Variants in GRHL1 observed in about 807,000 individuals in gnomAD.
The protein encoded by GRHL1 is grainyhead-like protein 1 homolog.
Under a neutral mutation model 75.7 loss-of-function variants are expected in GRHL1, and 38 were observed. The ratio of observed to expected loss-of-function variants is 0.50; its 90% CI spans 0.39 to 0.66. The LOEUF (loss-of-function observed/expected upper bound fraction) is 0.66, where lower values mean the gene tolerates loss of function less well. GRHL1 is among the 30% of genes least tolerant of loss of function. The pLI, the probability that GRHL1 is intolerant of heterozygous loss-of-function variation, is 0.00. For missense variants in GRHL1, 589 were observed against 767.5 expected (o/e 0.77, Z 2.75); for synonymous variants, 266 against 279.4 (o/e 0.95, Z 0.48).
chr2:9,984,158 A>T, intron 8 of GRHL1, among the ~76,000 whole-genome samples: 1 of 150,796 alleles, frequency 6.6e-6, no homozygotes. Context: ...GCAAAACTTC[A>T]TCTCAAAAAA....
Position 9,961,326 on chromosome 2 carries a change from G to A in GRHL1, c.559G>A (p.Asp187Asn), listed in dbSNP as rs773330664. The A allele has an allele frequency of 1.1e-5, 18 of 1,614,158 alleles. No individual in the cohort carries two copies. The highest frequency in any genetic ancestry group is 1.5e-5 in the Non-Finnish European group (18 of 1,180,020). ...PEPTERVVVF[D>N]RNLNTDQFSS... The stretch of plus-strand genomic sequence containing the variant: ...GCCCACTGAGCGGGTGGTGGTTTTC[G>A]ATCGGAATCTCAATACTGACCAGTT... Residue 187 changes from aspartate (D) to asparagine (N), a missense_variant, in exon 4 of 16, where the codon GAT becomes AAT. Coordinates refer to ENST00000324907, the MANE Select transcript of GRHL1 (RefSeq NM_198182.3).
At chr2:9,989,431 T>G (rs1475101867) in intron 9 of GRHL1, among the ~76,000 whole-genome samples, 2 of 152,224 alleles carry the variant, frequency 1.3e-5, no homozygotes, top group African/African-American at 2.4e-5. Flanking sequence ...GGGCCGTGTT[T>G]GTTACTAATA....
intron 8 of GRHL1, among the ~76,000 whole-genome samples, chr2:9,979,317 C>T (rs1040882252): frequency 4.0e-5 from 6 of 151,560 alleles, no homozygotes; most frequent in African/African-American, 1.5e-4. Context: ...TCACTGCAGC[C>T]TCTACCTCCT....
At chr2:9,956,633 C>G (rs1572331098) in intron 2 of GRHL1, among the ~76,000 whole-genome samples, 1 of 152,070 alleles carries the variant, frequency 6.6e-6, no homozygotes, top group Non-Finnish European at 1.5e-5. Flanking sequence ...TGAGCAGAAA[C>G]TTGTGTAATA....
intron 14 of GRHL1, among the ~76,000 whole-genome samples, chr2:9,998,483 T>TATATACGTATATATATAC (rs1572396122): frequency 4.2e-4 from 2 of 4,752 alleles, no homozygotes; most frequent in East Asian, 0.021. Context: ...TATATATACA[T>TATATACGTATATATATAC]ATATATACGT....
intron 5 of GRHL1, 61 bp from the exon 6 acceptor site, chr2:9,963,825 G>T (rs41264181): frequency 6.0e-5 from 67 of 1,118,820 alleles, no homozygotes; most frequent in Admixed American, 3.6e-4. Flanking sequence ...TTTATAATAT[G>T]ATGTATAGCA....
In GRHL1 at chr2:9,951,715, C is replaced by A. The variant is rs1484892017; in HGVS notation, c.-119C>A. The A allele has an allele frequency of 8.5e-6, 8 of 938,272 alleles. No individual in the cohort carries two copies. The highest frequency in any genetic ancestry group is 5.5e-5 in the Admixed American group (2 of 36,524). The allele number at this position is 938,272 out of a possible 1,614,324, so 58.1% of individuals were successfully genotyped here. On this transcript the variant is annotated 5_prime_UTR_variant, in exon 1 of 16. Coordinates refer to ENST00000324907, the MANE Select transcript of GRHL1 (RefSeq NM_198182.3). The surrounding 1 kb of genome is among the most constrained non-coding windows in gnomAD (Gnocchi z 4.2). Reference sequence around the variant, plus strand: ...CTCAGAGCGAGAAAAGCAAACCCAACCCGTCGGGGCCGCCGCTCCGGACCC... The same window carrying A: ...CTCAGAGCGAGAAAAGCAAACCCAAACCGTCGGGGCCGCCGCTCCGGACCC...
At chr2:9,980,643 T>A (rs533118887) in intron 8 of GRHL1, among the ~76,000 whole-genome samples, 1 of 152,370 alleles carries the variant, frequency 6.6e-6, no homozygotes, top group East Asian at 1.9e-4. Context: ...GTTCTAATTA[T>A]TTGAATACAA....
rs148739837 is a variant in GRHL1 at position 9,964,365 on chromosome 2, C to T, written c.1015+19C>T. The stretch of plus-strand genomic sequence containing the variant: ...GACATAGGTAAGCAGCTCAAGAGCC[C>T]GCTTTTATTCCCAGAGGTGCAGCCA... On this transcript the variant is annotated intron_variant, in intron 7 of 15. Transcript: ENST00000324907. 83 of 1,289,406 alleles carry T rather than the reference C, an allele frequency of 6.4e-5. 1 individual carries two copies. Among genetic ancestry groups the T allele is most frequent in the Non-Finnish European group, 8.4e-5 (75 of 896,942 alleles). The allele number at this position is 1,289,406 out of a possible 1,614,324, so 79.9% of individuals were successfully genotyped here. A position where few individuals can be genotyped will look rare whatever the true frequency, so the allele number is the denominator to read the frequency against.
At chr2:9,979,991 GTTAGCAAGCT>G (rs1301396912) in intron 8 of GRHL1, among the ~76,000 whole-genome samples, 1 of 152,204 alleles carries the variant, frequency 6.6e-6, no homozygotes, top group Non-Finnish European at 1.5e-5. Flanking sequence ...AGACTAGACA[GTTAGCAAGCT>G]TTACTGGAAT....
At chr2:9,980,834 T>C (rs1453459811) in intron 8 of GRHL1, among the ~76,000 whole-genome samples, 1 of 152,248 alleles carries the variant, frequency 6.6e-6, no homozygotes, top group Non-Finnish European at 1.5e-5. Flanking sequence ...CTGTATGTTT[T>C]ATAGAGGAGG....
At position 9,987,511 on chromosome 2, in the gene GRHL1, T is replaced by C. The variant is rs2125237523; in HGVS notation, c.1269+1229T>C. 6.6e-6 allele frequency among the ~76,000 whole-genome samples: 1 copy of C among 152,256 alleles called. No individual in the cohort carries two copies. The highest frequency in any genetic ancestry group is 6.5e-5 in the Admixed American group (1 of 15,300). Reference sequence around the variant, plus strand: ...CGAGTGGCTGAATCACAAAGTGCTGTGCCTTCACAGCCCTCTTCCCCAAAG... The same window carrying C: ...CGAGTGGCTGAATCACAAAGTGCTGCGCCTTCACAGCCCTCTTCCCCAAAG... On this transcript the variant is annotated intron_variant, in intron 9 of 15. Transcript: ENST00000324907. The surrounding 1 kb of genome is among the most constrained non-coding windows in gnomAD (Gnocchi z 4.2).
At chr2:9,970,454 G>T (rs1667676867) in intron 8 of GRHL1, among the ~76,000 whole-genome samples, 5 of 145,554 alleles carry the variant, frequency 3.4e-5, no homozygotes, top group Admixed American at 3.4e-4. Context: ...GAACTTGGTT[G>T]CTTTGGAAAG....
intron 8 of GRHL1, 114 bp downstream of exon 8, chr2:9,965,495 G>A (rs955515633): frequency 3.1e-5 from 20 of 637,890 alleles, no homozygotes; most frequent in Non-Finnish European, 4.5e-5. Flanking sequence ...TCATTCTCAG[G>A]TGTTATGAAA....
At chr2:9,998,729 T>TAC (rs1553307187) in intron 14 of GRHL1, among the ~76,000 whole-genome samples, 1 of 54,488 alleles carries the variant, frequency 1.8e-5, no homozygotes, top group South Asian at 5.2e-4. Flanking sequence ...CACACATATA[T>TAC]ACGTATATAT....
In GRHL1 at chr2:9,984,896, TA is replaced by T. The variant is rs5829244; in HGVS notation, c.1111-1214del. ...GGGCAACATAGTGGAACCCTGTCTC[TA>T]AAAAAAAAAAAAATACAAAAATTAC... On this transcript the variant is annotated intron_variant, in intron 8 of 15. Transcript: ENST00000324907. Among the ~76,000 whole-genome samples the T allele has an allele frequency of 4.4e-3, 628 of 142,598 alleles. 1 individual carries two copies. Among genetic ancestry groups the T allele is most frequent in the Middle Eastern group, 7.2e-3 (2 of 278 alleles). The allele number at this position is 142,598 out of a possible 152,430, so 93.5% of individuals were successfully genotyped here. A position where few individuals can be genotyped will look rare whatever the true frequency, so the allele number is the denominator to read the frequency against.
intron 8 of GRHL1, among the ~76,000 whole-genome samples, chr2:9,966,972 T>A (rs1176160698): frequency 1.3e-5 from 2 of 152,202 alleles, no homozygotes; most frequent in Non-Finnish European, 2.9e-5. Flanking sequence ...TTGTTACAGT[T>A]GTTTTGAAAT....
intron 14 of GRHL1, among the ~76,000 whole-genome samples, chr2:9,998,730 ACG>A (rs1491444165): frequency 2.0e-5 from 1 of 49,866 alleles, no homozygotes; most frequent in Non-Finnish European, 3.2e-5. Flanking sequence ...ACACATATAT[ACG>A]TATATATGTA....
intron 9 of GRHL1, among the ~76,000 whole-genome samples, chr2:9,989,832 G>A (rs1301346099): frequency 6.6e-6 from 1 of 152,138 alleles, no homozygotes; most frequent in African/African-American, 2.4e-5. Context: ...TTACAAGCGT[G>A]AGCCACCGCG....
Sources: gnomAD v4.1 joint callset for allele counts (sites outside exome capture counted in the v4.1 genomes callset) on GRCh38, gnomAD v4.1.1 for gene constraint, Gnocchi (gnomAD v3.1) non-coding constraint, MANE v1.5 for transcripts, NCBI Gene and HGNC (gene_info 2026-07-23, HGNC 2026-07-21) for gene names.